The following ZNRF1 variants were observed in gnomAD, a reference collection of about 807,000 sequenced individuals.
ZNRF1 encodes the protein zinc and ring finger 1.
A neutral mutation model predicts 18.4 loss-of-function variants in ZNRF1; 3 were observed. The observed-to-expected ratio is 0.16, with a 90% CI of 0.07 to 0.42. The LOEUF (loss-of-function observed/expected upper bound fraction) is 0.42, where lower values mean the gene tolerates loss of function less well. ZNRF1 is among the 10% of genes least tolerant of loss of function. The pLI is 0.99. For synonymous variants in ZNRF1, 157 were observed against 144.2 expected, an observed-to-expected ratio of 1.09 and a Z score of -0.64; for missense variants, 310 against 329.8, an observed-to-expected ratio of 0.94 and a Z score of 0.47.
intron 1 of ZNRF1, among the ~76,000 whole-genome samples, chr16:75,021,595 C>T (rs2035149020): frequency 6.6e-6 from 1 of 152,204 alleles, no homozygotes; most frequent in South Asian, 2.1e-4. Context: ...GATAATTTAG[C>T]TAGTTATAAA....
At chr16:75,034,997 A>T (rs1330589037) in intron 1 of ZNRF1, among the ~76,000 whole-genome samples, 1 of 151,938 alleles carries the variant, frequency 6.6e-6, no homozygotes, top group African/African-American at 2.4e-5. Flanking sequence ...TTTATTTTAA[A>T]ATTTTTGAGG....
intron 1 of ZNRF1, among the ~76,000 whole-genome samples, chr16:75,031,753 C>T (rs2035307474): frequency 6.6e-6 from 1 of 152,106 alleles, no homozygotes; most frequent in African/African-American, 2.4e-5. Context: ...CTGCCCATCT[C>T]GGCTTCTCAA....
intron 1 of ZNRF1, among the ~76,000 whole-genome samples, chr16:75,062,513 C>T (rs1163334640): frequency 6.6e-6 from 1 of 152,254 alleles, no homozygotes; most frequent in South Asian, 2.1e-4. Context: ...TCCACAGCAG[C>T]TTTGGCCGCA....
At chr16:75,017,085 A>T (rs1370211437) in intron 1 of ZNRF1, among the ~76,000 whole-genome samples, 2 of 152,204 alleles carry the variant, frequency 1.3e-5, no homozygotes, top group Non-Finnish European at 2.9e-5. Context: ...TGCACAAACA[A>T]TAACATTTCC....
chr16:74,999,968 T>A lies in ZNRF1; in HGVS notation c.297T>A (p.His99Gln). The A allele has an allele frequency of 1.3e-6, 2 of 1,582,362 alleles. No homozygotes were observed. Among genetic ancestry groups the A allele is most frequent in the Non-Finnish European group, 1.7e-6 (2 of 1,165,166 alleles). The change falls in exon 1 of 5, where the codon CAT becomes CAA. Residue 99 changes from histidine to glutamine, a missense_variant. Transcript: ENST00000335325. ...GGSASDSTYA[H>Q]GNGYQETGGG... ...CTGCGTCCGACTCCACCTATGCCCATGGCAATGGTTACCAGGAGACGGGCG... is the reference window on the plus strand; with the variant it reads ...CTGCGTCCGACTCCACCTATGCCCAAGGCAATGGTTACCAGGAGACGGGCG...
chr16:75,031,948 A>G (rs1420925301), intron 1 of ZNRF1, among the ~76,000 whole-genome samples: 1 of 152,084 alleles, frequency 6.6e-6, no homozygotes, highest in Admixed American at 6.6e-5. Flanking sequence ...GCACAATTTT[A>G]TACTCCCACC....
rs770547641 is a variant in ZNRF1, at chr16:74,999,887, C to T, written c.216C>T (p.Tyr72=). 2.3e-5 allele frequency: 36 copies of T among 1,538,988 alleles called. No individual in the cohort carries two copies. Among genetic ancestry groups the T allele is most frequent in the Non-Finnish European group, 2.9e-5 (33 of 1,145,666 alleles). The stretch of plus-strand genomic sequence containing the variant: ...CCGGGGGGGTGCCCTTTGGCCTCTA[C>T]ACCCCCGCCTCCCGGGGCACCGGCG... The part of the protein sequence containing the change: ...STAGGVPFGL[Y]TPASRGTGDS... Residue 72 remains tyrosine (Y), a synonymous_variant, in exon 1 of 5, where the codon TAC becomes TAT. Coordinates refer to ENST00000335325, the MANE Select transcript of ZNRF1 (RefSeq NM_032268.5).
chr16:75,047,061 TA>T (rs60722912), intron 1 of ZNRF1, among the ~76,000 whole-genome samples: 2 of 152,066 alleles, frequency 1.3e-5, no homozygotes, highest in Non-Finnish European at 2.9e-5. Context: ...CTCTTGCCAT[TA>T]AAAAAAATTA....
chr16:75,093,005 G>A (rs7501201), intron 1 of ZNRF1, among the ~76,000 whole-genome samples: 57,574 of 152,188 alleles, frequency 0.38, 13,144 homozygotes, highest in Non-Finnish European at 0.51. Context: ...CAAGTCAGGT[G>A]TCAGTGACCT....
chr16:75,084,484 A>C (rs2036052070), intron 1 of ZNRF1: 1 of 152,332 alleles, frequency 6.6e-6, no homozygotes, highest in South Asian at 2.1e-4. Flanking sequence ...TTATTAAGGA[A>C]AAGAGTCACA....
intron 1 of ZNRF1, among the ~76,000 whole-genome samples, chr16:75,006,540 A>G (rs1236794856): frequency 6.6e-6 from 1 of 152,200 alleles, no homozygotes; most frequent in Non-Finnish European, 1.5e-5. Flanking sequence ...GGTTCAAGTG[A>G]TTGGCCTGCC....
chr16:75,089,553 T>C (rs1272403640), intron 1 of ZNRF1, among the ~76,000 whole-genome samples: 6 of 152,170 alleles, frequency 3.9e-5, no homozygotes, highest in Admixed American at 3.9e-4. Flanking sequence ...TTTCCCAACA[T>C]GCCTCGTTCT....
intron 2 of ZNRF1, among the ~76,000 whole-genome samples, chr16:75,101,723 C>T (rs1201955047): frequency 1.3e-5 from 2 of 152,212 alleles, no homozygotes; most frequent in East Asian, 1.9e-4. Flanking sequence ...AGTGCACATT[C>T]GAACGCTACA....
chr16:75,003,540 A>G (rs1319753031), intron 1 of ZNRF1, among the ~76,000 whole-genome samples: 1 of 152,144 alleles, frequency 6.6e-6, no homozygotes, highest in Non-Finnish European at 1.5e-5. Flanking sequence ...AGGTTAAGGA[A>G]CTCACACAAG....
chr16:75,007,623 A>T (rs926734967), intron 1 of ZNRF1, among the ~76,000 whole-genome samples: 3 of 152,218 alleles, frequency 2.0e-5, no homozygotes, highest in Non-Finnish European at 4.4e-5. Context: ...AAGGGTTCTT[A>T]AAGGTGCTCA....
At position 75,107,801 on chromosome 16, in the gene ZNRF1, A is replaced by G; in HGVS notation, c.*101A>G. On this transcript the variant is annotated 3_prime_UTR_variant, in exon 5 of 5. Transcript: ENST00000335325. ...GGGGCAGAGCTGAGCTTGGGACACCAGCGGGAACAGGGCACCCCTTCTGCA... is the reference window on the plus strand; with the variant it reads ...GGGGCAGAGCTGAGCTTGGGACACCGGCGGGAACAGGGCACCCCTTCTGCA... The G allele has an allele frequency of 2.2e-6, 1 of 456,494 alleles. No homozygotes were observed. Among genetic ancestry groups the G allele is most frequent in the South Asian group, 1.5e-5 (1 of 64,556 alleles). 28.3% of individuals were successfully genotyped at this position (456,494 alleles called of 1,614,324 possible).
chr16:75,031,140 T>G (rs983034176), intron 1 of ZNRF1, among the ~76,000 whole-genome samples: 1 of 149,734 alleles, frequency 6.7e-6, no homozygotes, highest in Non-Finnish European at 1.5e-5. Flanking sequence ...CCCACCTGTT[T>G]TTTTTTTTTT....
intron 1 of ZNRF1, among the ~76,000 whole-genome samples, chr16:75,034,493 C>T (rs569330349): frequency 2.0e-5 from 3 of 152,174 alleles, no homozygotes; most frequent in Non-Finnish European, 4.4e-5. Context: ...GTACATAACA[C>T]ATTTTGTTTG....
chr16:75,028,184 A>G (rs1239903177), intron 1 of ZNRF1, among the ~76,000 whole-genome samples: 4 of 152,156 alleles, frequency 2.6e-5, no homozygotes, highest in Admixed American at 2.0e-4. Flanking sequence ...GTACATTCCT[A>G]TTGGCATACT....
Sources: allele counts gnomAD v4.1 joint callset (sites outside exome capture counted in the v4.1 genomes callset), GRCh38; gene constraint gnomAD v4.1.1; transcripts MANE v1.5; gene names NCBI Gene and HGNC (gene_info 2026-07-23, HGNC 2026-07-21).